Variants in ROBO2 observed in about 807,000 individuals in gnomAD.
The protein encoded by ROBO2 is roundabout homolog 2.
A neutral mutation model predicts 160.8 loss-of-function variants in ROBO2; 53 were observed. That is an observed-to-expected ratio of 0.33 (90% confidence interval 0.26 to 0.41). ROBO2 has a LOEUF of 0.41. Among genes scored for constraint, ROBO2 ranks in the 10% least tolerant of loss-of-function variants. ROBO2 has a pLI of 1.00. For synonymous variants in ROBO2, 664 were observed against 611.7 expected (o/e 1.09, Z -1.26); for missense variants, 1,577 against 1,722.4 (o/e 0.92, Z 1.49).
At chr3:76,247,711 A>G (rs1705703693) in intron 2 of ROBO2, among the ~76,000 whole-genome samples, 1 of 152,116 alleles carries the variant, frequency 6.6e-6, no homozygotes, top group South Asian at 2.1e-4. Context: ...TAATTCCTTA[A>G]GAAATTCTTG....
intron 2 of ROBO2, among the ~76,000 whole-genome samples, chr3:76,664,946 C>G (rs1028334311): frequency 6.6e-6 from 1 of 152,104 alleles, no homozygotes; most frequent in East Asian, 1.9e-4. Context: ...GAATGGTGGT[C>G]AACAGAGTCA....
At chr3:76,977,509 G>T (rs2059872671) in intron 2 of ROBO2, among the ~76,000 whole-genome samples, 1 of 152,102 alleles carries the variant, frequency 6.6e-6, no homozygotes, top group Non-Finnish European at 1.5e-5. Context: ...GCAAAGAAAA[G>T]CTTTGTAATG....
chr3:76,016,152 A>G (rs1267734290), intron 2 of ROBO2, among the ~76,000 whole-genome samples: 1 of 152,142 alleles, frequency 6.6e-6, no homozygotes, highest in Admixed American at 6.6e-5. Context: ...ACTAGTTTGA[A>G]TGATTACCAC....
intron 2 of ROBO2, among the ~76,000 whole-genome samples, chr3:76,089,037 G>A (rs1179988554): frequency 6.6e-6 from 1 of 151,810 alleles, no homozygotes; most frequent in Non-Finnish European, 1.5e-5. Flanking sequence ...GGCATCAAAA[G>A]GATAAAGAAT....
At chr3:77,348,024 C>T (rs1378862387) in intron 2 of ROBO2, among the ~76,000 whole-genome samples, 1 of 152,146 alleles carries the variant, frequency 6.6e-6, no homozygotes, top group Non-Finnish European at 1.5e-5. Flanking sequence ...CAACTAAGCC[C>T]AGGATTTTTG....
At chr3:76,960,286 G>A (rs1363742712) in intron 2 of ROBO2, among the ~76,000 whole-genome samples, 2 of 152,098 alleles carry the variant, frequency 1.3e-5, no homozygotes, top group Non-Finnish European at 2.9e-5. Flanking sequence ...ATAGTGACCA[G>A]AGCTCAATAT....
chr3:76,557,557 A>G (rs981765012), intron 2 of ROBO2, among the ~76,000 whole-genome samples: 2 of 150,742 alleles, frequency 1.3e-5, no homozygotes, highest in African/African-American at 4.9e-5. Context: ...CTATCTGGAA[A>G]CTGATGTCCT....
chr3:75,976,282 A>C (rs934752716), intron 2 of ROBO2, among the ~76,000 whole-genome samples: 8 of 151,686 alleles, frequency 5.3e-5, no homozygotes, highest in African/African-American at 1.9e-4. Context: ...CAAAATAGCC[A>C]CACACTGGAG....
intron 2 of ROBO2, among the ~76,000 whole-genome samples, chr3:76,386,084 A>G (rs1336972644): frequency 1.3e-5 from 2 of 152,202 alleles, no homozygotes; most frequent in Non-Finnish European, 2.9e-5. Context: ...ACCAATTTTT[A>G]AAGAGTAAAA....
At chr3:77,018,023 C>T (rs2062389632) in intron 2 of ROBO2, among the ~76,000 whole-genome samples, 1 of 151,990 alleles carries the variant, frequency 6.6e-6, no homozygotes. Context: ...CGTGATATCG[C>T]CTGCATATAA....
At chr3:77,509,181 A>T (rs748879264) in intron 5 of ROBO2, among the ~76,000 whole-genome samples, 19 of 151,584 alleles carry the variant, frequency 1.3e-4, no homozygotes, top group Non-Finnish European at 2.2e-4. Flanking sequence ...CTCCGGTGCC[A>T]TCTCTGAGCT....
intron 2 of ROBO2, among the ~76,000 whole-genome samples, chr3:77,028,388 T>A (rs931650407): frequency 2.6e-5 from 4 of 152,160 alleles, no homozygotes; most frequent in Non-Finnish European, 5.9e-5. Context: ...CCATCTCTGA[T>A]CTGTTTTAGG....
At chr3:77,414,139 A>G (rs539039488) in intron 2 of ROBO2, among the ~76,000 whole-genome samples, 1 of 152,328 alleles carries the variant, frequency 6.6e-6, no homozygotes, top group African/African-American at 2.4e-5. Context: ...AGAAAACCAA[A>G]TGAGTGTCTT....
exon 26 of ROBO2, chr3:77,648,197 C>A (rs2095425513): frequency 6.6e-6 from 1 of 152,144 alleles, no homozygotes; most frequent in Non-Finnish European, 1.5e-5. Context: ...CTTTAAATAT[C>A]TCTTTATGAA....
chr3:77,306,170 T>C (rs1412246855), intron 2 of ROBO2, among the ~76,000 whole-genome samples: 1 of 152,136 alleles, frequency 6.6e-6, no homozygotes, highest in Non-Finnish European at 1.5e-5. Flanking sequence ...AATGTATTCA[T>C]ATATTCAGTA....
At chr3:76,802,763 G>C (rs944511256) in intron 2 of ROBO2, among the ~76,000 whole-genome samples, 1 of 151,056 alleles carries the variant, frequency 6.6e-6, no homozygotes, top group Non-Finnish European at 1.5e-5. Flanking sequence ...CTTCAGAATA[G>C]TTTCTTTTGA....
intron 2 of ROBO2, among the ~76,000 whole-genome samples, chr3:76,105,324 CA>C (rs1347177138): frequency 1.3e-5 from 2 of 151,998 alleles, no homozygotes; most frequent in Non-Finnish European, 2.9e-5. Flanking sequence ...AAGAAAATAA[CA>C]AAAATATTTT....
intron 2 of ROBO2, among the ~76,000 whole-genome samples, chr3:76,272,914 T>TA (rs1375091700): frequency 5.3e-5 from 1 of 19,024 alleles, no homozygotes; most frequent in African/African-American, 9.9e-5. Flanking sequence ...TATTTATATA[T>TA]AAAATATATA....
intron 2 of ROBO2, among the ~76,000 whole-genome samples, chr3:77,325,898 A>C: frequency 6.6e-6 from 1 of 152,196 alleles, no homozygotes; most frequent in East Asian, 1.9e-4. Context: ...AAATGCAAAC[A>C]ATCTGGTTCC....
Sources: gnomAD v4.1 joint callset for allele counts (sites outside exome capture counted in the v4.1 genomes callset) on GRCh38, gnomAD v4.1.1 for gene constraint, MANE v1.5 for transcripts, NCBI Gene and HGNC (gene_info 2026-07-23, HGNC 2026-07-21) for gene names.